ADGRV1: variants seen among roughly 807,000 people sequenced by gnomAD.
ADGRV1 encodes adhesion G protein-coupled receptor V1, also known as G-protein coupled receptor 98.
ADGRV1 carries 359 observed loss-of-function variants against 596.2 expected under a neutral mutation model. That is an observed-to-expected ratio of 0.60 (90% confidence interval 0.55 to 0.66). The LOEUF (loss-of-function observed/expected upper bound fraction) is 0.66, where lower values mean the gene tolerates loss of function less well. Ranked by LOEUF, ADGRV1 falls within the 30% of genes least tolerant of loss-of-function variation. The probability of loss-of-function intolerance (pLI) is 0.00; values close to 1 mark genes in which losing one functional copy is unlikely to be tolerated. For missense variants in ADGRV1, 7,274 were observed against 7,575.6 expected (o/e 0.96, Z 1.48); for synonymous variants, 2,681 against 2,679.2 (o/e 1.00, Z -0.02).
At chr5:91,053,711 A>G (rs1391651092) in intron 85 of ADGRV1, among the ~76,000 whole-genome samples, 1 of 152,188 alleles carries the variant, frequency 6.6e-6, no homozygotes, top group Non-Finnish European at 1.5e-5. Flanking sequence ...TTCCCTGCAC[A>G]TAATAATTCA....
intron 85 of ADGRV1, among the ~76,000 whole-genome samples, chr5:91,001,324 C>T (rs1010997568): frequency 4.3e-4 from 65 of 152,148 alleles, no homozygotes; most frequent in African/African-American, 1.5e-3. Context: ...GGAATCCTCC[C>T]ACCATGACCT....
At chr5:90,698,780 A>G (rs1329915968) in intron 34 of ADGRV1, among the ~76,000 whole-genome samples, 1 of 22,132 alleles carries the variant, frequency 4.5e-5, no homozygotes, top group African/African-American at 2.8e-4. Flanking sequence ...GCTGGGAAAG[A>G]AAAAATTACC....
chr5:90,998,485 C>G (rs1781591167), intron 85 of ADGRV1, among the ~76,000 whole-genome samples: 1 of 151,460 alleles, frequency 6.6e-6, no homozygotes, highest in Non-Finnish European at 1.5e-5. Flanking sequence ...TATGTAATAC[C>G]CATTACATTA....
intron 83 of ADGRV1, among the ~76,000 whole-genome samples, chr5:90,897,087 TTTG>T (rs1228497872): frequency 6.6e-6 from 1 of 152,256 alleles, no homozygotes; most frequent in East Asian, 1.9e-4. Context: ...CTCCTTATTG[TTTG>T]TTGTTTGCAC....
intron 54 of ADGRV1, among the ~76,000 whole-genome samples, chr5:90,754,537 G>A (rs1755621110): frequency 1.3e-5 from 2 of 152,098 alleles, no homozygotes; most frequent in Admixed American, 1.3e-4. Context: ...CTCCTGATAG[G>A]CACGTCACTG....
intron 82 of ADGRV1, among the ~76,000 whole-genome samples, chr5:90,860,237 C>A (rs1767422672): frequency 6.6e-6 from 1 of 152,236 alleles, no homozygotes; most frequent in South Asian, 2.1e-4. Context: ...AGAATAACTC[C>A]TTTCCCCTAA....
At chr5:90,682,529 G>A (rs1430759963) in intron 27 of ADGRV1, among the ~76,000 whole-genome samples, 1 of 152,246 alleles carries the variant, frequency 6.6e-6, no homozygotes, top group African/African-American at 2.4e-5. Context: ...AGGATTCATT[G>A]TTCAGTGACT....
intron 20 of ADGRV1, among the ~76,000 whole-genome samples, 177 bp from the exon 21 acceptor site, chr5:90,657,728 C>A (rs370470718): frequency 4.9e-4 from 74 of 152,000 alleles, no homozygotes; most frequent in African/African-American, 1.7e-3. Context: ...ATTATGGATT[C>A]CTTTTTTAAA....
intron 83 of ADGRV1, among the ~76,000 whole-genome samples, chr5:90,915,182 G>T (rs904564677): frequency 6.6e-6 from 1 of 152,088 alleles, no homozygotes; most frequent in East Asian, 1.9e-4. Flanking sequence ...TCCAGACAGC[G>T]TTCTAAAAGT....
Position 90,927,792 on chromosome 5 carries a change from G to C in ADGRV1, c.17857-37623G>C, listed in dbSNP as rs1297719088. 2.6e-5 allele frequency among the ~76,000 whole-genome samples: 4 copies of C among 152,150 alleles called. No individual in the cohort carries two copies. In the East Asian group the frequency reaches 7.7e-4, roughly 29 times the overall value. Reference sequence around the variant, plus strand: ...TACTGGTTGTTCCTTTCCATGTTTAGCGCTTCCTTCAGGAGCTCTTTTAGG... The same window carrying C: ...TACTGGTTGTTCCTTTCCATGTTTACCGCTTCCTTCAGGAGCTCTTTTAGG... On this transcript the variant is annotated intron_variant, in intron 83 of 89. Transcript: ENST00000405460.
chr5:90,588,101 A>G (rs940419647), intron 1 of ADGRV1, among the ~76,000 whole-genome samples: 4 of 152,202 alleles, frequency 2.6e-5, no homozygotes, highest in South Asian at 2.1e-4. Context: ...ACTGTATTCT[A>G]TAGCCACTAG....
intron 87 of ADGRV1, among the ~76,000 whole-genome samples, chr5:91,117,439 G>A (rs563141911): frequency 1.5e-4 from 23 of 152,158 alleles, no homozygotes; most frequent in South Asian, 1.0e-3. Context: ...ATGTGGAATT[G>A]TACTTATTTC....
chr5:91,087,406 C>T (rs1789978348), intron 86 of ADGRV1, among the ~76,000 whole-genome samples: 1 of 152,076 alleles, frequency 6.6e-6, no homozygotes, highest in Non-Finnish European at 1.5e-5. Flanking sequence ...AAGCGATTCT[C>T]CTGCCTCAGC....
chr5:90,874,833 G>A (rs1381683707), intron 83 of ADGRV1, among the ~76,000 whole-genome samples: 4 of 151,894 alleles, frequency 2.6e-5, no homozygotes, highest in South Asian at 4.2e-4. Flanking sequence ...ACTCCAGCCC[G>A]GGCGACAGCA....
At chr5:90,645,942 C>T (rs1298967344) in intron 15 of ADGRV1, 26 bp from the exon 16 acceptor site, 3 of 1,559,108 alleles carry the variant, frequency 1.9e-6, no homozygotes. Context: ...AGTCACCTGA[C>T]TTAAAACGTG....
At chr5:90,601,412 A>G (rs154557) in intron 1 of ADGRV1, among the ~76,000 whole-genome samples, 32,203 of 152,112 alleles carry the variant, frequency 0.21, 3,809 homozygotes, top group East Asian at 0.4. Flanking sequence ...AAAACTATAC[A>G]TGAAGCAAAA....
chr5:90,579,226 T>C (rs1253291308), intron 1 of ADGRV1, among the ~76,000 whole-genome samples: 1 of 152,226 alleles, frequency 6.6e-6, no homozygotes. Flanking sequence ...CTTCCCTGCT[T>C]TCTCTTGTGG....
At position 90,785,130 on chromosome 5, in the gene ADGRV1, A is replaced by G. The variant is rs147728824; in HGVS notation, c.13653+1073A>G. 0.027 allele frequency among the ~76,000 whole-genome samples: 4,147 copies of G among 151,756 alleles called. 273 individuals carry two copies. In the East Asian group the frequency reaches 0.28, roughly 10 times the overall value. ...AAATAACACCACACATCTACAACAA[A>G]CCTGACAAAAACAAGCAATGGGGAA... On this transcript the variant is annotated intron_variant, in intron 67 of 89. Transcript: ENST00000405460.
chr5:90,817,660 TTAAATAGGGAATCCTTTCCCC>T (rs1353968821), intron 75 of ADGRV1, among the ~76,000 whole-genome samples: 5 of 152,168 alleles, frequency 3.3e-5, no homozygotes, highest in African/African-American at 1.2e-4. Flanking sequence ...GCACCATTTG[TTAAATAGGGAATCCTTTCCCC>T]ATTGCTTGTT....
Sources: allele counts gnomAD v4.1 joint callset (sites outside exome capture counted in the v4.1 genomes callset), GRCh38; gene constraint gnomAD v4.1.1; transcripts MANE v1.5; gene names NCBI Gene and HGNC (gene_info 2026-07-23, HGNC 2026-07-21).